The following CECR2 variants were observed in gnomAD, a reference collection of about 807,000 sequenced individuals.
The protein encoded by CECR2 is CECR2 histone acetyl-lysine reader, also known as chromatin remodeling regulator CECR2.
In CECR2, 30 loss-of-function variants were observed where a neutral mutation model predicts 154.5. The observed-to-expected ratio is 0.19, with a 90% CI of 0.15 to 0.26. CECR2 has a LOEUF of 0.26. Among genes scored for constraint, CECR2 ranks in the 10% least tolerant of loss-of-function variants. The pLI, the probability that CECR2 is intolerant of heterozygous loss-of-function variation, is 1.00. For missense variants in CECR2, 1,743 were observed against 1,829.3 expected (o/e 0.95, Z 0.86); for synonymous variants, 725 against 683.7 (o/e 1.06, Z -0.94).
chr22:17,440,512 G>A (rs1450667886), intron 1 of CECR2, among the ~76,000 whole-genome samples: 1 of 151,942 alleles, frequency 6.6e-6, no homozygotes, highest in Non-Finnish European at 1.5e-5. Flanking sequence ...AGTAACTAAG[G>A]AACTAAAATT....
intron 1 of CECR2, among the ~76,000 whole-genome samples, chr22:17,470,422 T>A (rs1050967242): frequency 2.8e-4 from 42 of 150,050 alleles, no homozygotes; most frequent in African/African-American, 9.3e-4. Context: ...AAAAAAATTC[T>A]GTCTATGCAC....
At chr22:17,463,088 G>A (rs1042381472) in intron 1 of CECR2, among the ~76,000 whole-genome samples, 3 of 152,132 alleles carry the variant, frequency 2.0e-5, no homozygotes, top group African/African-American at 7.2e-5. Context: ...GTAGAGGGAC[G>A]AGACAGTGAC....
intron 5 of CECR2, 87 bp downstream of exon 5, chr22:17,500,822 CAT>C: frequency 2.1e-6 from 2 of 945,562 alleles, no homozygotes; most frequent in East Asian, 5.3e-5. Flanking sequence ...TTGCCTGTGC[CAT>C]GGGAAGCACA....
At chr22:17,398,831 C>T (rs2053850964) in intron 1 of CECR2, among the ~76,000 whole-genome samples, 1 of 152,170 alleles carries the variant, frequency 6.6e-6, no homozygotes, top group Non-Finnish European at 1.5e-5. Flanking sequence ...TTGGTAGTTA[C>T]ATTACAAAAC....
At chr22:17,543,058 T>TTTA in intron 16 of CECR2, 55 bp downstream of exon 16, 1 of 1,514,074 alleles carries the variant, frequency 6.6e-7, no homozygotes, top group South Asian at 1.3e-5. Context: ...GAGTAATCTT[T>TTTA]TTACACAGCA....
intron 2 of CECR2, among the ~76,000 whole-genome samples, chr22:17,478,053 C>G (rs1261349915): frequency 6.6e-6 from 1 of 151,860 alleles, no homozygotes; most frequent in Non-Finnish European, 1.5e-5. Flanking sequence ...ATTTGAGTAT[C>G]TTCTGTTGTT....
At chr22:17,551,834 G>C (rs1461013706) in intron 17 of CECR2, among the ~76,000 whole-genome samples, 197 bp from the exon 18 acceptor site, 1 of 152,138 alleles carries the variant, frequency 6.6e-6, no homozygotes, top group African/African-American at 2.4e-5. Flanking sequence ...ACTTTTGTCA[G>C]GAGTGCAGTA....
At position 17,548,484 on chromosome 22, in the gene CECR2, C is replaced by G. The variant is rs750370962; in HGVS notation, c.3197C>G (p.Ser1066Trp). 6.2e-7 allele frequency: 1 copy of G among 1,613,756 alleles called. No homozygotes were observed. The highest frequency in any genetic ancestry group is 1.3e-5 in the African/African-American group (1 of 74,912). The change falls in exon 17 of 19, where the codon TCG (serine) becomes TGG (tryptophan). Residue 1066 changes from serine to tryptophan, a missense_variant. Transcript: ENST00000262608. ...GVIGEASPCG[S>W]EGKGLGSSGS... ...ATTGGGGAAGCATCTCCTTGTGGAT[C>G]GGAGGGGAAGGGCCTTGGTAGCAGT...
chr22:17,469,054 C>T (rs1297499003), intron 1 of CECR2, among the ~76,000 whole-genome samples: 1 of 151,456 alleles, frequency 6.6e-6, no homozygotes, highest in Non-Finnish European at 1.5e-5. Context: ...CTGACCCAAT[C>T]ACCTCTTGTT....
Position 17,505,156 on chromosome 22 carries a change from T to C in CECR2, c.870+140T>C, listed in dbSNP as rs1601475957. The C allele has an allele frequency of 4.9e-6, 4 of 820,054 alleles. No individual in the cohort carries two copies. In the East Asian group the frequency reaches 1.1e-4, roughly 22 times the overall value. The allele number at this position is 820,054 out of a possible 1,614,324, so 50.8% of individuals were successfully genotyped here. Reference sequence around the variant, plus strand: ...TTCCATCCTGTCTGAACTCCAGTGTTAGAATGGGACCTCATGCCACCCCCT... The same window carrying C: ...TTCCATCCTGTCTGAACTCCAGTGTCAGAATGGGACCTCATGCCACCCCCT... On this transcript the variant is annotated intron_variant, in intron 7 of 18. Transcript: ENST00000262608.
At chr22:17,366,952 T>A (rs1005328048), upstream of CECR2, among the ~76,000 whole-genome samples, 1 of 150,640 alleles carries the variant, frequency 6.6e-6, no homozygotes, top group Non-Finnish European at 1.5e-5. Context: ...ACAAACAGAG[T>A]TAGAGAATGG....
chr22:17,533,848 C>G (rs2056397240), intron 9 of CECR2, among the ~76,000 whole-genome samples: 1 of 151,708 alleles, frequency 6.6e-6, no homozygotes, highest in African/African-American at 2.4e-5. Flanking sequence ...TCCCAAGTAG[C>G]TGGGATTACA....
intron 17 of CECR2, 46 bp downstream of exon 17, chr22:17,549,610 T>C (rs1457781521): frequency 7.1e-7 from 1 of 1,404,478 alleles, no homozygotes; most frequent in Non-Finnish European, 9.6e-7. Context: ...GAACAGATGT[T>C]TATTTTATGT....
At chr22:17,464,971 A>G (rs552457548) in intron 1 of CECR2, among the ~76,000 whole-genome samples, 63 of 151,668 alleles carry the variant, frequency 4.2e-4, no homozygotes, top group Admixed American at 8.6e-4. Context: ...GTGCACATTC[A>G]TGATCATTAA....
chr22:17,542,059 G>C, intron 15 of CECR2, 92 bp downstream of exon 15: 1 of 1,568,938 alleles, frequency 6.4e-7, no homozygotes, highest in Non-Finnish European at 8.6e-7. Context: ...GTTGTTCATT[G>C]CGTCCTTTCC....
chr22:17,378,022 T>A (rs569823687), intron 1 of CECR2, among the ~76,000 whole-genome samples: 1 of 152,210 alleles, frequency 6.6e-6, no homozygotes, highest in Non-Finnish European at 1.5e-5. Context: ...CTTGCTCTGT[T>A]GCCCAGGCTG....
intron 1 of CECR2, among the ~76,000 whole-genome samples, chr22:17,447,810 T>C (rs1222594128): frequency 1.3e-5 from 2 of 152,032 alleles, no homozygotes; most frequent in Non-Finnish European, 2.9e-5. Flanking sequence ...CTGGCAGCTG[T>C]GTAAGTTTAC....
chr22:17,545,923 A>G (rs1242810409), intron 16 of CECR2, among the ~76,000 whole-genome samples: 2 of 151,700 alleles, frequency 1.3e-5, no homozygotes, highest in African/African-American at 2.4e-5. Flanking sequence ...TGTGTTTCTC[A>G]TACCTGTAAT....
At position 17,556,659 on chromosome 22, in the gene CECR2, G is replaced by A. The variant is rs577736938; in HGVS notation, c.*3819G>A. 1 of 152,244 alleles carries A rather than the reference G, an allele frequency of 6.6e-6. No individual in the cohort carries two copies. The highest frequency in any genetic ancestry group is 2.1e-4 in the South Asian group (1 of 4,818). The allele number at this position is 152,244 out of a possible 1,614,324, so 9.4% of individuals were successfully genotyped here. A position where few individuals can be genotyped will look rare whatever the true frequency, so the allele number is the denominator to read the frequency against. ...GGAAGGCCTAATCCTATAGTCACAA[G>A]GTAAGGACAGTTGAGTAGTGTAAGA... is the stretch of plus-strand genomic sequence containing the variant. On this transcript the variant is annotated 3_prime_UTR_variant, in exon 19 of 19. Coordinates refer to ENST00000262608, the MANE Select transcript of CECR2 (RefSeq NM_001290047.2).
Sources: allele counts gnomAD v4.1 joint callset (sites outside exome capture counted in the v4.1 genomes callset), GRCh38; gene constraint gnomAD v4.1.1; transcripts MANE v1.5; gene names NCBI Gene and HGNC (gene_info 2026-07-23, HGNC 2026-07-21).